Variants in ARHGAP42 observed in about 807,000 individuals in gnomAD.
ARHGAP42 encodes Rho GTPase activating protein 42.
ARHGAP42 carries 63 observed loss-of-function variants against 125.0 expected under a neutral mutation model. The observed-to-expected ratio is 0.50, with a 90% CI of 0.41 to 0.62. The LOEUF (loss-of-function observed/expected upper bound fraction) is 0.62, where lower values mean the gene tolerates loss of function less well. ARHGAP42 is among the 20% of genes least tolerant of loss of function. The probability of loss-of-function intolerance (pLI) is 0.00; values close to 1 mark genes in which losing one functional copy is unlikely to be tolerated. For missense variants in ARHGAP42, 766 were observed against 1,024.2 expected, an observed-to-expected ratio of 0.75 and a Z score of 3.44; for synonymous variants, 339 against 351.0, an observed-to-expected ratio of 0.97 and a Z score of 0.38.
chr11:100,948,388 C>CT (rs1868079600), intron 10 of ARHGAP42, 69 bp from the exon 11 acceptor site: 2 of 1,115,992 alleles, frequency 1.8e-6, no homozygotes, highest in Non-Finnish European at 2.5e-6. Context: ...CAAATTTTAT[C>CT]TTTTTAGTTA....
At chr11:100,817,926 C>G (rs1008515176) in intron 3 of ARHGAP42, among the ~76,000 whole-genome samples, 1 of 152,206 alleles carries the variant, frequency 6.6e-6, no homozygotes, top group Non-Finnish European at 1.5e-5. Context: ...TGGTAACAGT[C>G]TGTCACAATG....
chr11:100,725,677 C>T (rs1231853153), intron 1 of ARHGAP42, among the ~76,000 whole-genome samples: 1 of 151,704 alleles, frequency 6.6e-6, no homozygotes. Flanking sequence ...GTGGCTCACG[C>T]CTGGAATCGC....
intron 5 of ARHGAP42, among the ~76,000 whole-genome samples, chr11:100,914,937 C>T (rs1452764435): frequency 2.6e-5 from 4 of 151,856 alleles, no homozygotes; most frequent in Non-Finnish European, 5.9e-5. Context: ...CTTTTTTTTC[C>T]AACAGGCATA....
At chr11:100,920,562 G>A (rs998949593) in intron 5 of ARHGAP42, among the ~76,000 whole-genome samples, 3 of 152,178 alleles carry the variant, frequency 2.0e-5, no homozygotes, top group East Asian at 1.9e-4. Flanking sequence ...CCCAACTGGC[G>A]ACAAGGAAGG....
intron 1 of ARHGAP42, among the ~76,000 whole-genome samples, chr11:100,735,192 T>C (rs141612665): frequency 5.2e-4 from 79 of 152,352 alleles, no homozygotes; most frequent in African/African-American, 1.7e-3. Flanking sequence ...TCTGATTTTT[T>C]CCAGTTTTCT....
At chr11:100,912,862 A>C (rs1866962904) in intron 4 of ARHGAP42, among the ~76,000 whole-genome samples, 1 of 152,118 alleles carries the variant, frequency 6.6e-6, no homozygotes, top group Non-Finnish European at 1.5e-5. Context: ...AATTTATTCG[A>C]CTTCAAATTT....
chr11:100,722,169 T>C (rs4753983), intron 1 of ARHGAP42, among the ~76,000 whole-genome samples: 45,439 of 151,964 alleles, frequency 0.3, 7,244 homozygotes, highest in African/African-American at 0.38. Context: ...TTCATAGTTG[T>C]TTTATTTGCA....
intron 3 of ARHGAP42, among the ~76,000 whole-genome samples, chr11:100,809,692 C>T (rs1357691449): frequency 1.3e-5 from 2 of 152,186 alleles, no homozygotes; most frequent in Non-Finnish European, 2.9e-5. Context: ...TGCTGTGTTA[C>T]TCCTGTAATC....
At chr11:100,742,378 A>G (rs571778931) in intron 1 of ARHGAP42, among the ~76,000 whole-genome samples, 1 of 152,214 alleles carries the variant, frequency 6.6e-6, no homozygotes, top group East Asian at 1.9e-4. Flanking sequence ...TCCTTGAGGA[A>G]CACAGTGCAG....
chr11:100,806,596 T>TA (rs113504745), intron 3 of ARHGAP42, among the ~76,000 whole-genome samples: 75,218 of 151,196 alleles, frequency 0.5, 19,595 homozygotes, highest in South Asian at 0.63. Flanking sequence ...CACCTGAAAT[T>TA]AAAAAAAATA....
At chr11:100,774,617 G>A (rs981340984) in intron 2 of ARHGAP42, among the ~76,000 whole-genome samples, 1 of 152,182 alleles carries the variant, frequency 6.6e-6, no homozygotes, top group Admixed American at 6.5e-5. Flanking sequence ...AGTTGGTGGT[G>A]GGAATGGGTA....
chr11:100,938,857 A>G (rs1391762703), intron 8 of ARHGAP42, among the ~76,000 whole-genome samples: 3 of 152,344 alleles, frequency 2.0e-5, no homozygotes, highest in East Asian at 1.9e-4. Flanking sequence ...TCGATTGTGC[A>G]CTTGCTATCA....
chr11:100,916,883 A>G (rs1330645118), intron 5 of ARHGAP42, among the ~76,000 whole-genome samples: 3 of 152,168 alleles, frequency 2.0e-5, no homozygotes, highest in African/African-American at 4.8e-5. Context: ...TCAAAAATGG[A>G]GTGTGATATG....
Position 100,903,117 on chromosome 11 carries a change from GCACACACACA to G in ARHGAP42, c.385-10305_385-10296del, listed in dbSNP as rs1555021069. 1.5e-4 allele frequency among the ~76,000 whole-genome samples: 20 copies of G among 132,036 alleles called. 1 individual carries two copies. Among genetic ancestry groups the G allele is most frequent in the Admixed American group, 5.6e-4 (7 of 12,548 alleles). 86.6% of individuals were successfully genotyped at this position (132,036 alleles called of 152,430 possible). ...TCCTCAATCTTGCTGTCCAAGATGC[GCACACACACA>G]CACACACACACACACACACACACAC... On this transcript the variant is annotated intron_variant, in intron 4 of 23. Transcript: ENST00000298815.
chr11:100,941,076 G>A (rs1175332952), intron 8 of ARHGAP42, among the ~76,000 whole-genome samples: 1 of 152,128 alleles, frequency 6.6e-6, no homozygotes, highest in African/African-American at 2.4e-5. Context: ...TTTAGGAAAA[G>A]GCCTGAAGGG....
At chr11:100,875,667 A>G (rs1015650677) in intron 4 of ARHGAP42, among the ~76,000 whole-genome samples, 1 of 151,832 alleles carries the variant, frequency 6.6e-6, no homozygotes, top group African/African-American at 2.4e-5. Flanking sequence ...CCAGGCAGGC[A>G]ACAGAGGTCA....
intron 4 of ARHGAP42, among the ~76,000 whole-genome samples, chr11:100,873,146 A>G (rs911296088): frequency 1.3e-5 from 2 of 152,184 alleles, no homozygotes; most frequent in African/African-American, 4.8e-5. Context: ...CCCTGGCAAA[A>G]GAGAAGACAG....
At chr11:100,938,298 C>T (rs1013839567) in intron 8 of ARHGAP42, among the ~76,000 whole-genome samples, 11 of 152,086 alleles carry the variant, frequency 7.2e-5, no homozygotes, top group African/African-American at 2.7e-4. Flanking sequence ...TCATCTAATG[C>T]GTCTTCTACA....
chr11:100,789,876 T>G (rs186487611), intron 2 of ARHGAP42, among the ~76,000 whole-genome samples: 1 of 152,284 alleles, frequency 6.6e-6, no homozygotes, highest in Non-Finnish European at 1.5e-5. Flanking sequence ...TTATTTAAGT[T>G]TAAGGAAAGA....
Sources: gnomAD v4.1 joint callset for allele counts (sites outside exome capture counted in the v4.1 genomes callset) on GRCh38, gnomAD v4.1.1 for gene constraint, MANE v1.5 for transcripts, NCBI Gene and HGNC (gene_info 2026-07-23, HGNC 2026-07-21) for gene names.